HK1: variants seen among roughly 807,000 people sequenced by gnomAD.
The protein encoded by HK1 is hexokinase 1.
In HK1, 28 loss-of-function variants were observed where a neutral mutation model predicts 91.6. The observed-to-expected ratio is 0.31, with a 90% CI of 0.23 to 0.42. The LOEUF (loss-of-function observed/expected upper bound fraction) is 0.42, where lower values mean the gene tolerates loss of function less well. HK1 is among the 10% of genes least tolerant of loss of function. HK1 has a pLI of 1.00. For missense variants in HK1, 770 were observed against 1,219.8 expected (o/e 0.63, Z 5.49); for synonymous variants, 430 against 468.1 (o/e 0.92, Z 1.05).
chr10:69,289,874 T>C (rs917135026), intron 3 of HK1, among the ~76,000 whole-genome samples: 1 of 150,440 alleles, frequency 6.6e-6, no homozygotes, highest in Non-Finnish European at 1.5e-5. Flanking sequence ...TCCCACCTCA[T>C]CCTCCCAAAG....
intron 2 of HK1, among the ~76,000 whole-genome samples, chr10:69,350,577 G>T (rs943924344): frequency 6.6e-5 from 10 of 151,504 alleles, no homozygotes; most frequent in African/African-American, 2.2e-4. Flanking sequence ...CAGGAGAATT[G>T]CTTGAACCCG....
chr10:69,344,128 C>G (rs1057503909), intron 2 of HK1, 139 bp downstream of exon 2: 2 of 868,914 alleles, frequency 2.3e-6, no homozygotes, highest in African/African-American at 3.3e-5. Flanking sequence ...TCCATCCATC[C>G]ATCCGCTGAT....
At chr10:69,392,044 TCAGGCCCCAGACCC>T (rs1349107965) in intron 14 of HK1, 67 bp from the exon 15 acceptor site, 112 of 1,439,258 alleles carry the variant, frequency 7.8e-5, no homozygotes, top group Non-Finnish European at 9.8e-5. Context: ...CTGTGGAACC[TCAGGCCCCAGACCC>T]CAGGCCCAGT....
chr10:69,388,852 T>A (rs1000401197), intron 13 of HK1, among the ~76,000 whole-genome samples: 7 of 152,188 alleles, frequency 4.6e-5, no homozygotes, highest in Non-Finnish European at 7.3e-5. Context: ...TTTAATATTT[T>A]CCATTTTGCC....
intron 5 of HK1, among the ~76,000 whole-genome samples, chr10:69,304,471 C>A (rs984836117): frequency 6.6e-6 from 1 of 152,034 alleles, no homozygotes; most frequent in Non-Finnish European, 1.5e-5. Context: ...CCACACCCAG[C>A]TAATTTTTGT....
chr10:69,379,919 G>A lies in HK1; in HGVS notation c.1089G>A (p.Pro363=), dbSNP rs769612075. Residue 363 remains proline (P), a synonymous_variant, in exon 9 of 18, where the codon CCG becomes CCA. Transcript: ENST00000359426. ...TCCTGACCCGCCTGGGAGTGGAGCC[G>A]TCCGATGATGACTGTGTCTCAGTCC... ...KEILTRLGVE[P]SDDDCVSVQH... The A allele has an allele frequency of 5.0e-6, 8 of 1,614,170 alleles. No homozygotes were observed. Among genetic ancestry groups the A allele is most frequent in the Admixed American group, 1.7e-5 (1 of 60,024 alleles).
chr10:69,318,769 G>T (rs1846807719), upstream of HK1: 2 of 1,253,084 alleles, frequency 1.6e-6, no homozygotes, highest in Admixed American at 4.0e-5. Flanking sequence ...CCCTCCAGGG[G>T]ACGGGAGCGC....
At chr10:69,312,455 T>A (rs138247309), upstream of HK1, among the ~76,000 whole-genome samples, 2,133 of 152,110 alleles carry the variant, frequency 0.014, 51 homozygotes, top group African/African-American at 0.049. Context: ...GCCAGCCTGG[T>A]CTGGAACTCC....
At chr10:69,349,381 T>C (rs548113816) in intron 2 of HK1, among the ~76,000 whole-genome samples, 2 of 152,038 alleles carry the variant, frequency 1.3e-5, no homozygotes, top group Admixed American at 6.5e-5. Flanking sequence ...CAAACCACCG[T>C]GAGTTATGGT....
rs1035132385 is a variant in HK1, at chr10:69,341,268, C to T, written c.64-2559C>T. ...CCTCTGCTTCCCCAGCTCAGGCAATCCTCCCGCCTCAGTCTCCCGAGTAGC... is the reference window on the plus strand; with the variant it reads ...CCTCTGCTTCCCCAGCTCAGGCAATTCTCCCGCCTCAGTCTCCCGAGTAGC... On this transcript the variant is annotated intron_variant, in intron 1 of 17. Transcript: ENST00000359426. Among the ~76,000 whole-genome samples the T allele has an allele frequency of 1.3e-4, 19 of 151,902 alleles. No homozygotes were observed. The East Asian group carries it at 3.1e-3, about 25-fold the overall frequency.
At chr10:69,277,862 G>A (rs1046891314) in intron 1 of HK1, among the ~76,000 whole-genome samples, 4 of 152,060 alleles carry the variant, frequency 2.6e-5, no homozygotes, top group Non-Finnish European at 4.4e-5. Flanking sequence ...ACGAAACCCT[G>A]TCTCTACTAA....
intron 5 of HK1, among the ~76,000 whole-genome samples, chr10:69,305,174 G>A (rs1035880179): frequency 2.0e-5 from 3 of 152,240 alleles, no homozygotes; most frequent in Non-Finnish European, 2.9e-5. Flanking sequence ...TCCAGTCAGC[G>A]GGAAGGAGGA....
chr10:69,322,023 A>T (rs10128509), intron 1 of HK1, among the ~76,000 whole-genome samples: 93 of 152,350 alleles, frequency 6.1e-4, no homozygotes, highest in African/African-American at 2.2e-3. Flanking sequence ...ACCTCTAAGT[A>T]ACTTTAAACA....
At chr10:69,376,573 C>T (rs1839119631) in intron 7 of HK1, among the ~76,000 whole-genome samples, 1 of 152,148 alleles carries the variant, frequency 6.6e-6, no homozygotes, top group East Asian at 1.9e-4. Flanking sequence ...GTATAGCATA[C>T]AGTTTAGGAG....
At chr10:69,283,193 T>C (rs1471815445) in intron 2 of HK1, among the ~76,000 whole-genome samples, 3 of 144,458 alleles carry the variant, frequency 2.1e-5, no homozygotes, top group Non-Finnish European at 4.5e-5. Context: ...ACACATGTAA[T>C]CCCAGCACTT....
intron 14 of HK1, 54 bp from the exon 15 acceptor site, chr10:69,392,071 C>T: frequency 6.2e-7 from 1 of 1,601,350 alleles, no homozygotes; most frequent in Non-Finnish European, 8.6e-7. Context: ...GGCCCAGTTG[C>T]AAGACCCCCA....
chr10:69,389,464 T>C, intron 14 of HK1, 168 bp downstream of exon 14: 2 of 410,394 alleles, frequency 4.9e-6, no homozygotes, highest in Non-Finnish European at 9.9e-6. Flanking sequence ...CAGCAGAGTC[T>C]CTGGCGGGGG....
At position 69,382,544 on chromosome 10, in the gene HK1, C is replaced by T. The variant is rs771193475; in HGVS notation, c.1323C>T (p.Arg441=). 2 of 1,614,234 alleles carry T rather than the reference C, an allele frequency of 1.2e-6. No homozygotes were observed. Among genetic ancestry groups the T allele is most frequent in the South Asian group, 2.2e-5 (2 of 91,082 alleles). The change falls in exon 10 of 18, where the codon CGC becomes CGT. Residue 441 remains arginine, a synonymous_variant. Transcript: ENST00000359426. ...GCTTGGTGCCAGACTCCGATGTGCGCTTCCTCCTCTCGGAGAGTGGCAGCG... is the reference window on the plus strand; with the variant it reads ...GCTTGGTGCCAGACTCCGATGTGCGTTTCCTCCTCTCGGAGAGTGGCAGCG... The part of the protein sequence containing the change: ...LRRLVPDSDV[R]FLLSESGSGK...
At chr10:69,309,928 T>TA (rs1846286691) in intron 5 of HK1, among the ~76,000 whole-genome samples, 1 of 151,474 alleles carries the variant, frequency 6.6e-6, no homozygotes, top group East Asian at 2.0e-4. Flanking sequence ...CGCATGCCTG[T>TA]AATCCCAGCT....
Sources: allele counts gnomAD v4.1 joint callset (sites outside exome capture counted in the v4.1 genomes callset), GRCh38; gene constraint gnomAD v4.1.1; transcripts MANE v1.5; gene names NCBI Gene and HGNC (gene_info 2026-07-23, HGNC 2026-07-21).